Variants in DLG2 observed in about 807,000 individuals in gnomAD.
DLG2 encodes the protein disks large homolog 2.
DLG2 carries 45 observed loss-of-function variants against 132.5 expected under a neutral mutation model. The observed-to-expected ratio is 0.34, with a 90% confidence interval of 0.27 to 0.44. The LOEUF is 0.44. Among genes scored for constraint, DLG2 ranks in the 20% least tolerant of loss-of-function variants. The pLI is 1.00. For synonymous variants in DLG2, 424 were observed against 419.6 expected, an observed-to-expected ratio of 1.01 and a Z score of -0.13; for missense variants, 1,045 against 1,196.9, an observed-to-expected ratio of 0.87 and a Z score of 1.87.
At chr11:84,540,117 G>A (rs1298896130) in intron 6 of DLG2, among the ~76,000 whole-genome samples, 2 of 152,088 alleles carry the variant, frequency 1.3e-5, no homozygotes, top group Non-Finnish European at 2.9e-5. Flanking sequence ...ATACCACTCA[G>A]GACATAGGCA....
chr11:84,852,516 T>C (rs1943715), intron 6 of DLG2, among the ~76,000 whole-genome samples: 80,184 of 151,710 alleles, frequency 0.53, 22,400 homozygotes, highest in African/African-American at 0.7. Flanking sequence ...GTGGGAAGTG[T>C]CAGAATTTGT....
At chr11:84,882,375 A>G (rs1369850079) in intron 6 of DLG2, among the ~76,000 whole-genome samples, 1 of 152,044 alleles carries the variant, frequency 6.6e-6, no homozygotes, top group Non-Finnish European at 1.5e-5. Context: ...GGAATCGGGG[A>G]AAGTTTGGGA....
rs928156730 is a variant in DLG2 at position 85,357,672 on chromosome 11, T to C, written c.41-72307A>G. On this transcript the variant is annotated intron_variant, in intron 3 of 27. Transcript: ENST00000376104. Reference sequence around the variant, plus strand: ...AATTTGGAGGCTAATATGGCTACTATATATGTACAATACGCCAGGCACTGT... The same window carrying C: ...AATTTGGAGGCTAATATGGCTACTACATATGTACAATACGCCAGGCACTGT... 2.9e-5 allele frequency among the ~76,000 whole-genome samples: 4 copies of C among 138,592 alleles called. No individual in the cohort carries two copies. The Admixed American group carries it at 3.1e-4, about 11-fold the overall frequency. The allele number at this position is 138,592 out of a possible 152,430, so 90.9% of individuals were successfully genotyped here. A position where few individuals can be genotyped will look rare whatever the true frequency, so the allele number is the denominator to read the frequency against.
intron 10 of DLG2, among the ~76,000 whole-genome samples, chr11:84,077,766 T>C (rs1247779910): frequency 6.6e-6 from 1 of 152,190 alleles, no homozygotes; most frequent in Non-Finnish European, 1.5e-5. Flanking sequence ...AACAATATCT[T>C]CTTGAGCAGT....
At chr11:84,343,104 G>A (rs548132336) in intron 7 of DLG2, among the ~76,000 whole-genome samples, 1 of 152,292 alleles carries the variant, frequency 6.6e-6, no homozygotes, top group East Asian at 1.9e-4. Flanking sequence ...GGGAACATGG[G>A]TACAGAGGAA....
chr11:84,310,954 C>T (rs1448879177), intron 7 of DLG2, among the ~76,000 whole-genome samples: 1 of 152,208 alleles, frequency 6.6e-6, no homozygotes, highest in Non-Finnish European at 1.5e-5. Flanking sequence ...CACAGTTGTT[C>T]TTGCAGAATT....
chr11:85,164,002 G>C (rs1023169604), intron 4 of DLG2, among the ~76,000 whole-genome samples: 1 of 152,104 alleles, frequency 6.6e-6, no homozygotes, highest in Non-Finnish European at 1.5e-5. Context: ...AGCTTATTTA[G>C]CATTCTGAGC....
Position 85,108,695 on chromosome 11 carries a change from A to C in DLG2, c.357+2966T>G, listed in dbSNP as rs78852938. On this transcript the variant is annotated intron_variant, in intron 6 of 27. Transcript: ENST00000376104. ...ATCCCAGTGTTAGTGCTTTTTTCTG[A>C]GACTACTACTTATTACACTAGCTCT... 7.7e-3 allele frequency among the ~76,000 whole-genome samples: 1,175 copies of C among 152,162 alleles called. 11 individuals carry two copies. The highest frequency in any genetic ancestry group is 0.027 in the African/African-American group (1,113 of 41,548).
intron 6 of DLG2, among the ~76,000 whole-genome samples, chr11:84,913,463 T>C (rs930456193): frequency 2.0e-5 from 3 of 152,156 alleles, no homozygotes; most frequent in Non-Finnish European, 4.4e-5. Flanking sequence ...AGAAAAACAA[T>C]GCTTTCAGTC....
intron 6 of DLG2, among the ~76,000 whole-genome samples, chr11:85,024,848 C>T (rs771330120): frequency 6.6e-6 from 1 of 152,154 alleles, no homozygotes; most frequent in Non-Finnish European, 1.5e-5. Flanking sequence ...CTCAAAATGT[C>T]TGCAGAGGGA....
intron 7 of DLG2, among the ~76,000 whole-genome samples, chr11:84,274,129 T>C (rs1036890354): frequency 6.6e-6 from 1 of 152,162 alleles, no homozygotes; most frequent in African/African-American, 2.4e-5. Flanking sequence ...CGTATAAGCA[T>C]GAAATAAAAT....
intron 11 of DLG2, among the ~76,000 whole-genome samples, chr11:84,008,106 C>A (rs902997397): frequency 1.3e-5 from 2 of 151,830 alleles, no homozygotes; most frequent in African/African-American, 4.8e-5. Flanking sequence ...ATCATGGTCA[C>A]TCACATCATC....
chr11:85,293,398 C>G (rs1220165126), intron 3 of DLG2, among the ~76,000 whole-genome samples: 1 of 152,052 alleles, frequency 6.6e-6, no homozygotes, highest in African/African-American at 2.4e-5. Flanking sequence ...GACCTCATCT[C>G]TGCAAAAAAT....
rs1275530383 is a variant in DLG2, at chr11:84,917,873, A to T, written c.357+193788T>A. Among the ~76,000 whole-genome samples, 5 of 152,290 alleles carry T rather than the reference A, an allele frequency of 3.3e-5. No individual in the cohort carries two copies. In the East Asian group the frequency reaches 7.7e-4, roughly 24 times the overall value. Reference sequence around the variant, plus strand: ...TACTAAAGGAGTCCAGTAAGGAACTAATACGTTATAGGTATCCTAAAAGAG... The same window carrying T: ...TACTAAAGGAGTCCAGTAAGGAACTTATACGTTATAGGTATCCTAAAAGAG... On this transcript the variant is annotated intron_variant, in intron 6 of 27. Transcript: ENST00000376104.
intron 6 of DLG2, among the ~76,000 whole-genome samples, chr11:84,867,289 G>C (rs1441766173): frequency 6.6e-6 from 1 of 152,174 alleles, no homozygotes; most frequent in African/African-American, 2.4e-5. Context: ...AGTGTCTGAA[G>C]TTACCTCTCT....
intron 6 of DLG2, among the ~76,000 whole-genome samples, chr11:84,611,614 C>G (rs568591055): frequency 5.9e-5 from 9 of 152,218 alleles, no homozygotes; most frequent in African/African-American, 2.2e-4. Flanking sequence ...GCCAGGAAAC[C>G]AGTAATTAAA....
At chr11:83,894,478 A>C (rs2070961932) in intron 15 of DLG2, among the ~76,000 whole-genome samples, 1 of 152,318 alleles carries the variant, frequency 6.6e-6, no homozygotes, top group Admixed American at 6.5e-5. Context: ...TTTGCCCTAA[A>C]ATTTTGAGAA....
At chr11:85,550,143 C>T (rs892927790) in intron 3 of DLG2, among the ~76,000 whole-genome samples, 2 of 152,198 alleles carry the variant, frequency 1.3e-5, no homozygotes, top group East Asian at 3.8e-4. Flanking sequence ...GTTCATGTAA[C>T]CTCACTTCTC....
chr11:84,683,571 A>G (rs1221163754), intron 6 of DLG2, among the ~76,000 whole-genome samples: 1 of 152,184 alleles, frequency 6.6e-6, no homozygotes, highest in Non-Finnish European at 1.5e-5. Context: ...GGGATTAACG[A>G]AAAGCCTCCT....
Sources: gnomAD v4.1 joint callset for allele counts (sites outside exome capture counted in the v4.1 genomes callset) on GRCh38, gnomAD v4.1.1 for gene constraint, MANE v1.5 for transcripts, NCBI Gene and HGNC (gene_info 2026-07-23, HGNC 2026-07-21) for gene names.